CFAP57: variants seen among roughly 807,000 people sequenced by gnomAD.
CFAP57 encodes the protein cilia and flagella associated protein 57.
Under a neutral mutation model 146.8 loss-of-function variants are expected in CFAP57, and 116 were observed. The observed-to-expected ratio is 0.79, with a 90% confidence interval of 0.68 to 0.92. CFAP57 has a LOEUF of 0.92. Ranked by LOEUF, CFAP57 falls within the 40% of genes least tolerant of loss-of-function variation. The probability of loss-of-function intolerance (pLI) is 0.00; values close to 1 mark genes in which losing one functional copy is unlikely to be tolerated. For synonymous variants in CFAP57, 518 were observed against 552.8 expected, an observed-to-expected ratio of 0.94 and a Z score of 0.88; for missense variants, 1,377 against 1,527.2, an observed-to-expected ratio of 0.90 and a Z score of 1.64.
In CFAP57 at chr1:43,201,163, A is replaced by G. The variant is rs76952742; in HGVS notation, c.1542+1660A>G. Among the ~76,000 whole-genome samples the G allele has an allele frequency of 7.8e-3, 1,193 of 152,322 alleles. 16 individuals carry two copies. Among genetic ancestry groups the G allele is most frequent in the African/African-American group, 0.026 (1,096 of 41,568 alleles). On this transcript the variant is annotated intron_variant, in intron 9 of 22. Transcript: ENST00000372492. This position sits in a 1 kb window ranked among gnomAD's most constrained non-coding sequence, Gnocchi z 4.4. ...TTAGAAAGTAGAGGAAGTCAGAGGCATAGATTAGATCACCAAGGGCCTATG... is the reference window on the plus strand; with the variant it reads ...TTAGAAAGTAGAGGAAGTCAGAGGCGTAGATTAGATCACCAAGGGCCTATG...
chr1:43,198,407 A>T, intron 7 of CFAP57, 74 bp from the exon 8 acceptor site: 1 of 1,472,728 alleles, frequency 6.8e-7, no homozygotes, highest in Non-Finnish European at 9.4e-7. Flanking sequence ...ATAACAATAT[A>T]TATCAGATAC....
In CFAP57 at chr1:43,198,624, A is replaced by G; in HGVS notation, c.1406A>G (p.Tyr469Cys). The change falls in exon 8 of 23, where the codon TAC becomes TGC. Residue 469 changes from tyrosine (Y) to cysteine (C), a missense_variant. Physicochemically the swap from Tyr to Cys is radical, Grantham distance 194. Transcript: ENST00000372492. ...GATGATATACGTTCTTTCAAAGAAT[A>G]CTCTGTTAGAGGATGCGGAGAGGTA... ...LIDDIRSFKE[Y>C]SVRGCGECSF... The G allele has an allele frequency of 6.2e-7, 1 of 1,613,164 alleles. No individual in the cohort carries two copies. Among genetic ancestry groups the G allele is most frequent in the Non-Finnish European group, 8.5e-7 (1 of 1,179,794 alleles).
At chr1:43,240,246 G>T (rs1227057763) in intron 21 of CFAP57, among the ~76,000 whole-genome samples, 1 of 152,050 alleles carries the variant, frequency 6.6e-6, no homozygotes, top group African/African-American at 2.4e-5. Context: ...GGGCACTCCT[G>T]GGCAGCAGCA....
chr1:43,227,191 G>C, intron 18 of CFAP57, 65 bp downstream of exon 18: 1 of 1,440,094 alleles, frequency 6.9e-7, no homozygotes, highest in Non-Finnish European at 9.2e-7. Context: ...CAATTGGCTA[G>C]CTGGCCTCAG....
At chr1:43,213,364 G>A (rs1048391024) in intron 11 of CFAP57, among the ~76,000 whole-genome samples, 1 of 152,156 alleles carries the variant, frequency 6.6e-6, no homozygotes, top group African/African-American at 2.4e-5. Flanking sequence ...CCATGTTGCT[G>A]CAAAAACATG....
chr1:43,246,672 A>T (rs181940596), intron 22 of CFAP57, among the ~76,000 whole-genome samples: 12 of 152,352 alleles, frequency 7.9e-5, no homozygotes, highest in South Asian at 4.1e-4. Context: ...TAAAAAATAG[A>T]TAAGTTGTTT....
At chr1:43,252,092 C>T (rs1330888163) in intron 22 of CFAP57, among the ~76,000 whole-genome samples, 2 of 152,048 alleles carry the variant, frequency 1.3e-5, no homozygotes, top group African/African-American at 4.8e-5. Context: ...GCTTTCCTTC[C>T]AGTTTACTAT....
rs367577466 is a variant in CFAP57, at chr1:43,175,492, T to G, written c.157+2582T>G. On this transcript the variant is annotated intron_variant, in intron 2 of 22. Transcript: ENST00000372492. ...ACCATCTCAACTCCATCCTTCCAGTTTTTTATTTTATTTTATTTTATTTAT... is the reference window on the plus strand; with the variant it reads ...ACCATCTCAACTCCATCCTTCCAGTGTTTTATTTTATTTTATTTTATTTAT... Among the ~76,000 whole-genome samples, 1,490 of 150,852 alleles carry G rather than the reference T, an allele frequency of 9.9e-3. 10 individuals are homozygous for G. The highest frequency in any genetic ancestry group is 0.024 in the Admixed American group (365 of 15,158).
chr1:43,232,986 C>A (rs552062243), intron 19 of CFAP57, among the ~76,000 whole-genome samples: 1 of 152,166 alleles, frequency 6.6e-6, no homozygotes, highest in South Asian at 2.1e-4. Flanking sequence ...GCCAGGGGAA[C>A]CTCAAAGGTC....
intron 21 of CFAP57, among the ~76,000 whole-genome samples, chr1:43,237,406 C>G (rs899214729): frequency 6.6e-6 from 1 of 152,198 alleles, no homozygotes; most frequent in Non-Finnish European, 1.5e-5. Context: ...GTACAGCAAG[C>G]TCTGTGTCAG....
chr1:43,188,496 A>G (rs1643294653), intron 6 of CFAP57, among the ~76,000 whole-genome samples: 1 of 152,092 alleles, frequency 6.6e-6, no homozygotes, highest in Admixed American at 6.5e-5. Flanking sequence ...GTGGTATCTC[A>G]TTGTGGTTTT....
chr1:43,233,354 C>T (rs527247065), intron 19 of CFAP57, among the ~76,000 whole-genome samples: 3 of 152,186 alleles, frequency 2.0e-5, no homozygotes, highest in African/African-American at 2.4e-5. Flanking sequence ...CCAGGCATGG[C>T]GGCACACGCC....
intron 19 of CFAP57, 59 bp from the exon 20 acceptor site, chr1:43,234,220 C>T (rs1337372564): frequency 2.5e-5 from 36 of 1,458,334 alleles, no homozygotes; most frequent in Non-Finnish European, 2.8e-5. Context: ...CTGCCTGCAG[C>T]CCCCGCCCCT....
At chr1:43,219,275 G>A in intron 12 of CFAP57, 107 bp from the exon 13 acceptor site, 1 of 1,223,604 alleles carries the variant, frequency 8.2e-7, no homozygotes, top group Non-Finnish European at 1.1e-6. Context: ...GACACATTGA[G>A]TTTGAAGCTA....
At chr1:43,245,924 T>C (rs1436428642) in intron 22 of CFAP57, among the ~76,000 whole-genome samples, 1 of 152,136 alleles carries the variant, frequency 6.6e-6, no homozygotes, top group Non-Finnish European at 1.5e-5. Context: ...CAATGTACTA[T>C]CCAAAACGGA....
intron 22 of CFAP57, among the ~76,000 whole-genome samples, chr1:43,245,384 A>G (rs1646077672): frequency 6.6e-6 from 1 of 151,988 alleles, no homozygotes; most frequent in African/African-American, 2.4e-5. Flanking sequence ...TTCATTTGAG[A>G]CCTCCTCAGG....
At chr1:43,198,737 C>A (rs746551935) in intron 8 of CFAP57, 91 bp downstream of exon 8, 11 of 1,403,156 alleles carry the variant, frequency 7.8e-6, no homozygotes, top group Non-Finnish European at 1.1e-5. Flanking sequence ...GGAGGTGGGA[C>A]CAAAATCTGT....
chr1:43,174,031 G>A (rs2124199739), intron 2 of CFAP57, among the ~76,000 whole-genome samples: 1 of 152,206 alleles, frequency 6.6e-6, no homozygotes, highest in East Asian at 1.9e-4. Context: ...TCTGTTTATG[G>A]GCTATTCCTA....
At chr1:43,192,722 C>T (rs757112056) in intron 6 of CFAP57, among the ~76,000 whole-genome samples, 1 of 151,318 alleles carries the variant, frequency 6.6e-6, no homozygotes, top group Non-Finnish European at 1.5e-5. Context: ...GTCGAGAGGT[C>T]GAGACCAGCC....
Sources: allele counts gnomAD v4.1 joint callset (sites outside exome capture counted in the v4.1 genomes callset), GRCh38; gene constraint gnomAD v4.1.1; non-coding constraint Gnocchi (gnomAD v3.1); transcripts MANE v1.5; gene names NCBI Gene and HGNC (gene_info 2026-07-23, HGNC 2026-07-21).